The following STAMBP variants were observed in gnomAD, a reference collection of about 807,000 sequenced individuals.
STAMBP encodes the protein STAM binding protein.
STAMBP carries 31 observed loss-of-function variants against 50.7 expected under a neutral mutation model. The observed-to-expected ratio is 0.61, with a 90% CI of 0.46 to 0.83. The LOEUF (loss-of-function observed/expected upper bound fraction) is 0.83. Among genes scored for constraint, STAMBP ranks in the 40% least tolerant of loss-of-function variants. The probability of loss-of-function intolerance (pLI) is 0.00; values close to 1 mark genes in which losing one functional copy is unlikely to be tolerated. For synonymous variants in STAMBP, 211 were observed against 192.4 expected, an observed-to-expected ratio of 1.10 and a Z score of -0.80; for missense variants, 472 against 518.9, an observed-to-expected ratio of 0.91 and a Z score of 0.88.
intron 8 of STAMBP, 83 bp from the exon 9 acceptor site, chr2:73,859,969 A>C (rs1446223879): frequency 1.1e-6 from 1 of 937,572 alleles, no homozygotes; most frequent in African/African-American, 1.7e-5. Context: ...GTGAGTGTGC[A>C]TGCTGGTGTG....
chr2:73,854,095 A>G (rs1365099546), intron 7 of STAMBP, among the ~76,000 whole-genome samples: 4 of 152,246 alleles, frequency 2.6e-5, no homozygotes, highest in African/African-American at 9.6e-5. Flanking sequence ...TAATGTGGTG[A>G]TAAGGAAGGA....
chr2:73,862,901 A>C lies in STAMBP; in HGVS notation c.*642A>C, dbSNP rs766423287. The stretch of plus-strand genomic sequence containing the variant: ...ATTAACTTATGTTTTTGTGCTTCAG[A>C]GTGATCCATTTGATCAAGCATTGTA... On this transcript the variant is annotated 3_prime_UTR_variant, in exon 10 of 10. Transcript: ENST00000394070. 1 of 152,388 alleles carries C rather than the reference A, an allele frequency of 6.6e-6. No homozygotes were observed. Among genetic ancestry groups the C allele is most frequent in the Non-Finnish European group, 1.5e-5 (1 of 68,042 alleles). 9.4% of individuals were successfully genotyped at this position (152,388 alleles called of 1,614,324 possible). A position where few individuals can be genotyped will look rare whatever the true frequency, so the allele number is the denominator to read the frequency against.
chr2:73,861,798 A>C (rs1013918424), intron 9 of STAMBP, among the ~76,000 whole-genome samples: 2 of 149,244 alleles, frequency 1.3e-5, no homozygotes, highest in African/African-American at 2.5e-5. Flanking sequence ...AAGTGCTGGG[A>C]TTACAAGCGT....
chr2:73,872,609 G>A (rs1252375828), intron 10 of STAMBP, among the ~76,000 whole-genome samples: 1 of 152,222 alleles, frequency 6.6e-6, no homozygotes, highest in African/African-American at 2.4e-5. Flanking sequence ...AGTGTACGCA[G>A]AATCATGAGC....
chr2:73,840,838 A>AT (rs944392335), intron 2 of STAMBP, among the ~76,000 whole-genome samples: 1 of 152,108 alleles, frequency 6.6e-6, no homozygotes, highest in East Asian at 1.9e-4. Context: ...ATTAGCTTCC[A>AT]TTTTCCCTCC....
exon 11 of STAMBP, chr2:73,873,374 G>T (rs992291570): frequency 1.3e-5 from 2 of 152,188 alleles, no homozygotes; most frequent in Non-Finnish European, 2.9e-5. Context: ...GAGGAACAGA[G>T]CCCATGGCCC....
Position 73,829,522 on chromosome 2 carries a change from C to T in STAMBP, c.-13+12C>T, listed in dbSNP as rs1312072274. 1 of 152,186 alleles carries T rather than the reference C, an allele frequency of 6.6e-6. No homozygotes were observed. The highest frequency in any genetic ancestry group is 1.5e-5 in the Non-Finnish European group (1 of 68,052). 9.4% of individuals were successfully genotyped at this position (152,186 alleles called of 1,614,324 possible). ...ACCTCTCCCAAGAGGTACTGAGATG[C>T]AACAAGCATCCTCTGTTTCAGTTAA... On this transcript the variant is annotated intron_variant, in intron 1 of 9. Coordinates refer to ENST00000394070, the MANE Select transcript of STAMBP (RefSeq NM_213622.4).
chr2:73,835,776 G>A (rs565393745), intron 2 of STAMBP, among the ~76,000 whole-genome samples: 1 of 152,286 alleles, frequency 6.6e-6, no homozygotes, highest in South Asian at 2.1e-4. Context: ...GGGCTGGGTA[G>A]CGGGGGAATT....
intron 2 of STAMBP, among the ~76,000 whole-genome samples, chr2:73,843,406 GTA>G (rs773798563): frequency 3.1e-5 from 4 of 129,932 alleles, no homozygotes; most frequent in Non-Finnish European, 6.3e-5. Context: ...GTTTGTGTAT[GTA>G]TATATATATA....
At chr2:73,871,449 G>C (rs1300773156), downstream of STAMBP, among the ~76,000 whole-genome samples, 2 of 151,736 alleles carry the variant, frequency 1.3e-5, no homozygotes, top group Non-Finnish European at 2.9e-5. Context: ...TCAGGAGGCT[G>C]AGACAGGAGA....
rs397509388 is a variant in STAMBP at position 73,847,543 on chromosome 2, C to T, written c.532C>T (p.Arg178Ter). ...CCGGAACCAGGAGCTAGAAAAAGAGCGACTGAAAATTGTACAGGAGTTTGG... is the reference window on the plus strand; with the variant it reads ...CCGGAACCAGGAGCTAGAAAAAGAGTGACTGAAAATTGTACAGGAGTTTGG... ...MIRNQELEKE[R>*]LKIVQEFGKV... The change falls in exon 5 of 10, where the codon CGA becomes TGA. Residue 178 changes from arginine (R) to a stop codon, truncating the protein, a stop_gained. Transcript: ENST00000394070. LOFTEE classifies it high-confidence loss of function. 1.1e-5 allele frequency: 17 copies of T among 1,614,124 alleles called. No homozygotes were observed. Among genetic ancestry groups the T allele is most frequent in the Admixed American group, 1.7e-5 (1 of 60,030 alleles).
At chr2:73,849,238 C>T in intron 5 of STAMBP, 125 bp from the exon 6 acceptor site, 1 of 1,420,406 alleles carries the variant, frequency 7.0e-7, no homozygotes, top group Non-Finnish European at 9.8e-7. Flanking sequence ...GAGATCCCTA[C>T]TCACTGCCTG....
intron 10 of STAMBP, among the ~76,000 whole-genome samples, chr2:73,872,607 C>G (rs1181195189): frequency 2.0e-5 from 3 of 152,224 alleles, no homozygotes; most frequent in East Asian, 1.9e-4. Context: ...TGAGTGTACG[C>G]AGAATCATGA....
rs1678614245 is a variant in STAMBP, at chr2:73,863,850, G to GT, written c.*1596dup. The GT allele has an allele frequency of 6.6e-6, 1 of 151,996 alleles. No homozygotes were observed. The highest frequency in any genetic ancestry group is 2.1e-4 in the South Asian group (1 of 4,828). 9.4% of individuals were successfully genotyped at this position (151,996 alleles called of 1,614,324 possible). ...CCGTTGGCTTTTACCAAGTCTCTTTGTTTTTAGCATTTCTTCATTCCAGTC... is the reference window on the plus strand; with the variant it reads ...CCGTTGGCTTTTACCAAGTCTCTTTGTTTTTTAGCATTTCTTCATTCCAGTC... On this transcript the variant is annotated 3_prime_UTR_variant, in exon 10 of 10. Transcript: ENST00000394070.
intron 2 of STAMBP, among the ~76,000 whole-genome samples, chr2:73,843,682 T>G (rs1355445487): frequency 2.6e-5 from 4 of 152,174 alleles, no homozygotes; most frequent in African/African-American, 9.7e-5. Context: ...ATGAAACTTG[T>G]GTGCCTAATA....
downstream of STAMBP, among the ~76,000 whole-genome samples, chr2:73,869,914 A>G (rs2104765139): frequency 6.6e-6 from 1 of 152,296 alleles, no homozygotes; most frequent in South Asian, 2.1e-4. Context: ...CCCACACTCA[A>G]CCACACTGTA....
downstream of STAMBP, chr2:73,867,304 G>A (rs1678991282): frequency 6.6e-6 from 1 of 152,208 alleles, no homozygotes; most frequent in Middle Eastern, 3.2e-3. Flanking sequence ...CATCCCAGCA[G>A]GAGGCCAAGG....
At chr2:73,858,159 ATTTTTTT>A (rs35630978) in intron 7 of STAMBP, among the ~76,000 whole-genome samples, 4 of 68,346 alleles carry the variant, frequency 5.9e-5, no homozygotes, top group South Asian at 1.0e-3. Context: ...ATTGTTTTGT[ATTTTTTT>A]TTTTTTTTTT....
downstream of STAMBP, among the ~76,000 whole-genome samples, chr2:73,871,324 A>G (rs971525127): frequency 6.6e-6 from 1 of 151,948 alleles, no homozygotes; most frequent in Non-Finnish European, 1.5e-5. Flanking sequence ...TGGGTGGATC[A>G]CCAGAGATCA....
Sources: allele counts gnomAD v4.1 joint callset (sites outside exome capture counted in the v4.1 genomes callset), GRCh38; gene constraint gnomAD v4.1.1; transcripts MANE v1.5; gene names NCBI Gene and HGNC (gene_info 2026-07-23, HGNC 2026-07-21).